Variants in LRRC37A2 observed in about 807,000 individuals in gnomAD.
LRRC37A2 encodes the protein leucine rich repeat containing 37 member A2.
Under a neutral mutation model 68.8 loss-of-function variants are expected in LRRC37A2, and 9 were observed. The observed-to-expected ratio is 0.13, with a 90% CI of 0.08 to 0.23. The LOEUF (loss-of-function observed/expected upper bound fraction) is 0.23, where lower values mean the gene tolerates loss of function less well. Among genes scored for constraint, LRRC37A2 ranks in the 10% least tolerant of loss-of-function variants. The pLI, the probability that LRRC37A2 is intolerant of heterozygous loss-of-function variation, is 1.00. For synonymous variants in LRRC37A2, 63 were observed against 367.6 expected (o/e 0.17, Z 9.48); for missense variants, 168 against 950.4 (o/e 0.18, Z 10.82).
At chr17:46,503,110 G>C in the LRRC37A2 span, among the ~76,000 whole-genome samples, 2 of 150,088 alleles carry the variant, frequency 1.3e-5, no homozygotes, top group South Asian at 4.2e-4. Flanking sequence ...TACTCTGGAG[G>C]CTGAGGCAGG....
At chr17:46,903,785 T>G in the LRRC37A2 span, among the ~76,000 whole-genome samples, 6 of 42,166 alleles carry the variant, frequency 1.4e-4, no homozygotes, top group African/African-American at 1.9e-4. Context: ...GTTGGATGGG[T>G]GGGTGGATGG....
the LRRC37A2 span, chr17:46,972,965 ACTT>A: frequency 6.5e-6 from 1 of 153,578 alleles, no homozygotes; most frequent in Non-Finnish European, 1.5e-5. Flanking sequence ...GGAGTGTAAA[ACTT>A]CTTGTAGTAT....
At chr17:46,404,543 G>A in the LRRC37A2 span, among the ~76,000 whole-genome samples, 1 of 100,188 alleles carries the variant, frequency 1.0e-5, no homozygotes, top group Non-Finnish European at 2.3e-5. Context: ...TATATCTTAA[G>A]GTAGAGTAGA....
At chr17:46,790,434 C>A in the LRRC37A2 span, among the ~76,000 whole-genome samples, 1 of 152,076 alleles carries the variant, frequency 6.6e-6, no homozygotes, top group Non-Finnish European at 1.5e-5. Context: ...GGTGCTCCCT[C>A]CCCTCTGTGG....
At chr17:46,409,346 G>T in the LRRC37A2 span, among the ~76,000 whole-genome samples, 4 of 145,854 alleles carry the variant, frequency 2.7e-5, no homozygotes, top group African/African-American at 7.6e-5. Context: ...ACCCAGGCTG[G>T]AGTGCAGTGG....
At chr17:46,914,116 AG>A in the LRRC37A2 span, among the ~76,000 whole-genome samples, 1 of 152,114 alleles carries the variant, frequency 6.6e-6, no homozygotes, top group African/African-American at 2.4e-5. Context: ...TTGAAAGTGC[AG>A]GGGGTGGCTG....
chr17:46,938,669 AGAAGCGGGC>A, the LRRC37A2 span: 1 of 1,614,038 alleles, frequency 6.2e-7, no homozygotes, highest in Non-Finnish European at 8.5e-7. Context: ...CGGCTCATCG[AGAAGCGGGC>A]TTTCCAGGAC....
chr17:46,811,507 G>A, the LRRC37A2 span, among the ~76,000 whole-genome samples: 9 of 152,128 alleles, frequency 5.9e-5, no homozygotes, highest in Non-Finnish European at 1.3e-4. Flanking sequence ...CTGAAGAACC[G>A]GGTTTCAGCC....
At chr17:47,001,878 C>T in the LRRC37A2 span, among the ~76,000 whole-genome samples, 3 of 151,822 alleles carry the variant, frequency 2.0e-5, no homozygotes, top group Non-Finnish European at 2.9e-5. Flanking sequence ...CCTGCCACCA[C>T]GCCCAGCTAA....
chr17:46,885,832 C>A, the LRRC37A2 span: 1 of 152,500 alleles, frequency 6.6e-6, no homozygotes, highest in African/African-American at 2.4e-5. Context: ...TGCTACTTGC[C>A]TTTTTCTCTC....
the LRRC37A2 span, among the ~76,000 whole-genome samples, chr17:46,679,255 C>CA: frequency 2.0e-5 from 3 of 148,550 alleles, no homozygotes; most frequent in African/African-American, 7.5e-5. Flanking sequence ...CGTAGGCGTT[C>CA]ATTTTGTGAC....
the LRRC37A2 span, among the ~76,000 whole-genome samples, chr17:47,029,109 T>G: frequency 2.0e-5 from 3 of 151,560 alleles, no homozygotes; most frequent in Non-Finnish European, 4.4e-5. Flanking sequence ...ACCCGGGAGG[T>G]GGAAGTTGCA....
At chr17:46,989,846 C>T in the LRRC37A2 span, among the ~76,000 whole-genome samples, 1 of 152,262 alleles carries the variant, frequency 6.6e-6, no homozygotes, top group Non-Finnish European at 1.5e-5. Flanking sequence ...TTTCAGCCAT[C>T]CTCGCCACGG....
At chr17:46,467,104 C>T in the LRRC37A2 span, among the ~76,000 whole-genome samples, 12,924 of 60,390 alleles carry the variant, frequency 0.21, 3,944 homozygotes, top group Middle Eastern at 0.45. Context: ...TAGGCAATAC[C>T]TTTCAGGACA....
the LRRC37A2 span, among the ~76,000 whole-genome samples, chr17:46,884,292 A>G: frequency 6.6e-6 from 1 of 152,204 alleles, no homozygotes; most frequent in East Asian, 1.9e-4. Context: ...TGTTGGCAAC[A>G]TGTCATTTCT....
At chr17:46,827,389 G>T in the LRRC37A2 span, among the ~76,000 whole-genome samples, 6 of 152,244 alleles carry the variant, frequency 3.9e-5, no homozygotes, top group African/African-American at 9.6e-5. Context: ...TCTTTTCCCT[G>T]CTTTTGGACA....
At chr17:46,797,481 C>T in the LRRC37A2 span, among the ~76,000 whole-genome samples, 1 of 152,230 alleles carries the variant, frequency 6.6e-6, no homozygotes. Context: ...GTGGAGTCCT[C>T]AGGAGTGGGC....
At chr17:46,868,874 A>G in the LRRC37A2 span, among the ~76,000 whole-genome samples, 1 of 152,220 alleles carries the variant, frequency 6.6e-6, no homozygotes, top group African/African-American at 2.4e-5. Context: ...TCTGGGGTCT[A>G]GGAAGATACC....
chr17:46,943,083 C>T, the LRRC37A2 span, among the ~76,000 whole-genome samples: 1 of 152,172 alleles, frequency 6.6e-6, no homozygotes, highest in Non-Finnish European at 1.5e-5. Context: ...TTGCCCAAGG[C>T]GATTGTAATG....
Sources: gnomAD v4.1 joint callset for allele counts (sites outside exome capture counted in the v4.1 genomes callset) on GRCh38, gnomAD v4.1.1 for gene constraint, MANE v1.5 for transcripts, NCBI Gene and HGNC (gene_info 2026-07-23, HGNC 2026-07-21) for gene names.